Variants in CAMK1D observed in about 807,000 individuals in gnomAD.
CAMK1D encodes calcium/calmodulin dependent protein kinase ID.
CAMK1D carries 9 observed loss-of-function variants against 47.7 expected under a neutral mutation model. The ratio of observed to expected loss-of-function variants is 0.19; its 90% CI spans 0.11 to 0.33. CAMK1D has a LOEUF of 0.33. CAMK1D is among the 10% of genes least tolerant of loss of function. CAMK1D has a pLI of 1.00. For missense variants in CAMK1D, 291 were observed against 488.7 expected (o/e 0.60, Z 3.81); for synonymous variants, 184 against 184.9 (o/e 0.99, Z 0.04).
At chr10:12,762,285 A>G (rs1051143251) in intron 4 of CAMK1D, among the ~76,000 whole-genome samples, 2 of 152,234 alleles carry the variant, frequency 1.3e-5, no homozygotes, top group African/African-American at 2.4e-5. Context: ...GGATCATATC[A>G]TCTTGAAGCT....
chr10:12,653,492 T>C (rs1346292743), intron 2 of CAMK1D, among the ~76,000 whole-genome samples: 2 of 152,210 alleles, frequency 1.3e-5, no homozygotes, highest in African/African-American at 4.8e-5. Flanking sequence ...TTTTCTTCCA[T>C]TGGAATGTGC....
intron 5 of CAMK1D, among the ~76,000 whole-genome samples, chr10:12,790,518 G>C (rs1490009401): frequency 6.6e-6 from 1 of 152,290 alleles, no homozygotes; most frequent in South Asian, 2.1e-4. Flanking sequence ...TTGTGTTACA[G>C]TGCTTAGTAC....
chr10:12,817,456 G>A lies in CAMK1D; in HGVS notation c.833+1128G>A, dbSNP rs144116092. Among the ~76,000 whole-genome samples, 209 of 152,306 alleles carry A rather than the reference G, an allele frequency of 1.4e-3. 3 individuals are homozygous for A. The East Asian group carries it at 0.032, about 24-fold the overall frequency. ...ATTCTACACATTTTCAGCAGTGGGC[G>A]TGAGGCTACCTTGCTTTTGTGCCAC... On this transcript the variant is annotated intron_variant, in intron 8 of 10. Transcript: ENST00000619168.
At chr10:12,709,648 C>T (rs946504330) in intron 3 of CAMK1D, among the ~76,000 whole-genome samples, 4 of 152,236 alleles carry the variant, frequency 2.6e-5, no homozygotes, top group African/African-American at 7.2e-5. Context: ...TAATCTGTCA[C>T]CCGATATCTT....
intron 2 of CAMK1D, among the ~76,000 whole-genome samples, chr10:12,630,388 T>TTTA (rs112347508): frequency 0.21 from 30,507 of 141,908 alleles, 3,405 homozygotes; most frequent in South Asian, 0.31. Context: ...TTTTTTTTTT[T>TTTA]AAAAAAAAGA....
chr10:12,365,425 G>A (rs182575748), intron 1 of CAMK1D, among the ~76,000 whole-genome samples: 2,518 of 152,034 alleles, frequency 0.017, 52 homozygotes, highest in African/African-American at 0.045. Flanking sequence ...TGTTGCAAAG[G>A]TTATAGCTTT....
intron 2 of CAMK1D, among the ~76,000 whole-genome samples, chr10:12,620,742 G>T (rs968003007): frequency 6.6e-6 from 1 of 152,162 alleles, no homozygotes; most frequent in Non-Finnish European, 1.5e-5. Flanking sequence ...TCTTGATGGG[G>T]TCATTCACAG....
At position 12,628,833 on chromosome 10, in the gene CAMK1D, G is replaced by A. The variant is rs569251102; in HGVS notation, c.225-37903G>A. Reference sequence around the variant, plus strand: ...TTTGGCTGCCACTGACCTTTTCACCGTCTTCATAGTTTTACCTTTTCTATA... The same window carrying A: ...TTTGGCTGCCACTGACCTTTTCACCATCTTCATAGTTTTACCTTTTCTATA... On this transcript the variant is annotated intron_variant, in intron 2 of 10. Coordinates refer to ENST00000619168, the MANE Select transcript of CAMK1D (RefSeq NM_153498.4). Among the ~76,000 whole-genome samples, 52 of 152,046 alleles carry A rather than the reference G, an allele frequency of 3.4e-4. No individual in the cohort carries two copies. In the South Asian group the frequency reaches 6.4e-3, roughly 19 times the overall value.
intron 1 of CAMK1D, among the ~76,000 whole-genome samples, chr10:12,440,084 A>G (rs1023314072): frequency 2.0e-5 from 3 of 152,124 alleles, no homozygotes; most frequent in Non-Finnish European, 4.4e-5. Context: ...TCAAGGTGAG[A>G]TTTGGGTGGG....
chr10:12,828,660 G>GCCC (rs55978975), intron 10 of CAMK1D, 109 bp from the exon 11 acceptor site: 226 of 631,394 alleles, frequency 3.6e-4, no homozygotes, highest in Middle Eastern at 5.1e-4. Context: ...AAAAAATTGG[G>GCCC]CCCCCCCGCC....
chr10:12,413,433 T>C (rs1405432118), intron 1 of CAMK1D, among the ~76,000 whole-genome samples: 2 of 151,880 alleles, frequency 1.3e-5, no homozygotes, highest in Non-Finnish European at 2.9e-5. Flanking sequence ...ACTTTATCAG[T>C]GTGTTAGAGA....
chr10:12,799,962 T>C lies in CAMK1D; in HGVS notation c.641+8729T>C, dbSNP rs536481322. 2.2e-3 allele frequency among the ~76,000 whole-genome samples: 332 copies of C among 152,352 alleles called. 1 individual carries two copies. The highest frequency in any genetic ancestry group is 3.4e-3 in the Non-Finnish European group (233 of 68,042). On this transcript the variant is annotated intron_variant, in intron 6 of 10. Transcript: ENST00000619168. ...CCTCTCTGGTATTCCCTTTCCTTTT[T>C]CCCCTAAATCTTTTCCTAATCTGCT...
At chr10:12,634,891 G>A (rs555742225) in intron 2 of CAMK1D, among the ~76,000 whole-genome samples, 2 of 152,208 alleles carry the variant, frequency 1.3e-5, no homozygotes, top group African/African-American at 4.8e-5. Context: ...TGTTCAGTGG[G>A]ACTTGGGTGG....
At position 12,724,629 on chromosome 10, in the gene CAMK1D, T is replaced by G. The variant is rs561621368; in HGVS notation, c.300-36319T>G. On this transcript the variant is annotated intron_variant, in intron 3 of 10. Transcript: ENST00000619168. ...CCTAGACACTGAGAAGTCCTCACAT[T>G]TAAATGGCTGTTTGGGAAAATATTA... 2.0e-5 allele frequency among the ~76,000 whole-genome samples: 3 copies of G among 152,318 alleles called. No homozygotes were observed. In the South Asian group the frequency reaches 6.2e-4, roughly 32 times the overall value.
At chr10:12,604,923 T>C (rs1044838617) in intron 2 of CAMK1D, among the ~76,000 whole-genome samples, 1 of 151,582 alleles carries the variant, frequency 6.6e-6, no homozygotes, top group Non-Finnish European at 1.5e-5. Flanking sequence ...AGTCTCACTC[T>C]GTCGCCCAGG....
chr10:12,684,481 G>A (rs943349460), intron 3 of CAMK1D, among the ~76,000 whole-genome samples: 3 of 151,966 alleles, frequency 2.0e-5, no homozygotes, highest in Non-Finnish European at 2.9e-5. Context: ...GCTCCTCAAA[G>A]AAGATAACTA....
At chr10:12,520,059 G>T (rs1835353634) in intron 1 of CAMK1D, among the ~76,000 whole-genome samples, 1 of 80,688 alleles carries the variant, frequency 1.2e-5, no homozygotes, top group African/African-American at 4.9e-5. Context: ...GGCTGGCCGG[G>T]TGGGGGGCTG....
At chr10:12,455,356 A>G (rs1012130755) in intron 1 of CAMK1D, among the ~76,000 whole-genome samples, 13 of 152,218 alleles carry the variant, frequency 8.5e-5, no homozygotes, top group Non-Finnish European at 4.4e-5. Context: ...ATTTTTTTGT[A>G]GAGACAGGGG....
At chr10:12,365,888 A>G (rs1837818873) in intron 1 of CAMK1D, among the ~76,000 whole-genome samples, 1 of 152,162 alleles carries the variant, frequency 6.6e-6, no homozygotes, top group African/African-American at 2.4e-5. Flanking sequence ...CCCTGCCTCT[A>G]CTAAAAAATA....
Sources: gnomAD v4.1 joint callset for allele counts (sites outside exome capture counted in the v4.1 genomes callset) on GRCh38, gnomAD v4.1.1 for gene constraint, MANE v1.5 for transcripts, NCBI Gene and HGNC (gene_info 2026-07-23, HGNC 2026-07-21) for gene names.